The following NLGN1 variants were observed in gnomAD, a reference collection of about 807,000 sequenced individuals.
NLGN1 encodes the protein neuroligin-1.
In NLGN1, 12 loss-of-function variants were observed where a neutral mutation model predicts 65.5. The observed-to-expected ratio is 0.18, with a 90% CI of 0.12 to 0.30. NLGN1 has a LOEUF of 0.30. NLGN1 is among the 10% of genes least tolerant of loss of function. The pLI is 1.00. For missense variants in NLGN1, 750 were observed against 1,007.1 expected, an observed-to-expected ratio of 0.74 and a Z score of 3.46; for synonymous variants, 350 against 359.5, an observed-to-expected ratio of 0.97 and a Z score of 0.30.
At chr3:174,062,692 T>C (rs1440342098) in intron 4 of NLGN1, among the ~76,000 whole-genome samples, 1 of 152,016 alleles carries the variant, frequency 6.6e-6, no homozygotes, top group Non-Finnish European at 1.5e-5. Context: ...TTCTATCTAA[T>C]TTTTTTCTCT....
rs139897505 is a variant in NLGN1 at position 173,933,595 on chromosome 3, A to T, written c.646+125763A>T. Among the ~76,000 whole-genome samples, 820 of 152,268 alleles carry T rather than the reference A, an allele frequency of 5.4e-3. 10 individuals are homozygous for T. The highest frequency in any genetic ancestry group is 0.024 in the South Asian group (114 of 4,830). ...ATCCCTGGTACTTGGGAAGACCCCA[A>T]GGATTTTGAGAGGAGTCAGATTTGA... On this transcript the variant is annotated intron_variant, in intron 4 of 6. Coordinates refer to ENST00000457714, the Ensembl canonical transcript of NLGN1.
intron 3 of NLGN1, chr3:173,644,575 C>A (rs16828950): frequency 6.1e-6 from 1 of 164,060 alleles, no homozygotes; most frequent in South Asian, 1.8e-4. Flanking sequence ...GCCTATCACC[C>A]TGGAGTATGC....
At chr3:173,676,293 A>G (rs1323593874) in intron 3 of NLGN1, among the ~76,000 whole-genome samples, 4 of 152,124 alleles carry the variant, frequency 2.6e-5, no homozygotes, top group Non-Finnish European at 5.9e-5. Context: ...AGGCAGATCA[A>G]CGGGACTGGA....
intron 2 of NLGN1, among the ~76,000 whole-genome samples, chr3:173,520,179 T>C (rs1050553784): frequency 2.6e-5 from 4 of 152,232 alleles, no homozygotes; most frequent in African/African-American, 7.2e-5. Flanking sequence ...CAGGAGCTGC[T>C]ATGCTTCCTA....
intron 3 of NLGN1, among the ~76,000 whole-genome samples, chr3:173,755,594 G>A (rs1272930855): frequency 6.6e-6 from 1 of 152,012 alleles, no homozygotes; most frequent in Non-Finnish European, 1.5e-5. Context: ...GACAGAAGCA[G>A]GCACATAAAG....
chr3:173,952,922 C>T lies in NLGN1; in HGVS notation c.646+145090C>T, dbSNP rs1748505392. ...CCTTCCAAGTAGCTGGGATTACAGG[C>T]ACACAACACCCACACCAGGCTAATT... On this transcript the variant is annotated intron_variant, in intron 4 of 6. Transcript: ENST00000457714. Among the ~76,000 whole-genome samples, 5 of 151,984 alleles carry T rather than the reference C, an allele frequency of 3.3e-5. No individual in the cohort carries two copies. The South Asian group carries it at 1.0e-3, about 32-fold the overall frequency.
At chr3:173,518,544 G>A (rs1734242075) in intron 2 of NLGN1, among the ~76,000 whole-genome samples, 2 of 151,294 alleles carry the variant, frequency 1.3e-5, no homozygotes, top group Non-Finnish European at 1.5e-5. Context: ...GTGTGTGTGT[G>A]TGCATGCATG....
intron 4 of NLGN1, among the ~76,000 whole-genome samples, chr3:174,005,993 A>G (rs1724293687): frequency 1.3e-5 from 2 of 152,102 alleles, no homozygotes; most frequent in Admixed American, 6.6e-5. Context: ...CTCTACTACT[A>G]TACGGTCAAA....
chr3:173,686,976 T>C (rs1019163889), intron 3 of NLGN1, among the ~76,000 whole-genome samples: 2 of 151,972 alleles, frequency 1.3e-5, no homozygotes, highest in Non-Finnish European at 2.9e-5. Context: ...AAAAAGATAC[T>C]TGTGAACCTC....
intron 3 of NLGN1, among the ~76,000 whole-genome samples, chr3:173,624,268 A>G (rs1424025633): frequency 2.6e-5 from 4 of 152,172 alleles, no homozygotes; most frequent in African/African-American, 9.6e-5. Flanking sequence ...GGGAATTGTA[A>G]TAGATTACAG....
rs140623372 is a variant in NLGN1 at position 173,548,583 on chromosome 3, A to G, written c.-320-55696A>G. Among the ~76,000 whole-genome samples the G allele has an allele frequency of 4.2e-3, 642 of 152,014 alleles. 4 individuals are homozygous for G. Among genetic ancestry groups the G allele is most frequent in the African/African-American group, 0.015 (604 of 41,494 alleles). The stretch of plus-strand genomic sequence containing the variant: ...ATTGGCATCAATGAGTTTTAAGACA[A>G]CTTTCTGAAGGAAAATACAGTATGT... On this transcript the variant is annotated intron_variant, in intron 2 of 6. Transcript: ENST00000457714.
chr3:173,780,265 T>C (rs1011863440), intron 3 of NLGN1, among the ~76,000 whole-genome samples: 14 of 152,232 alleles, frequency 9.2e-5, no homozygotes, highest in Admixed American at 7.2e-4. Context: ...TGATGATGCA[T>C]ATGTTTCTCT....
intron 4 of NLGN1, among the ~76,000 whole-genome samples, chr3:173,814,880 A>G (rs1052986974): frequency 6.6e-6 from 1 of 152,318 alleles, no homozygotes; most frequent in Non-Finnish European, 1.5e-5. Flanking sequence ...AATTACCTAT[A>G]TAAATTCTAG....
intron 3 of NLGN1, among the ~76,000 whole-genome samples, chr3:173,634,611 T>C (rs1756283076): frequency 6.6e-6 from 1 of 152,176 alleles, no homozygotes; most frequent in Non-Finnish European, 1.5e-5. Flanking sequence ...GAAAGTGTCA[T>C]GATTCATTTA....
chr3:174,076,477 A>C (rs1057456693), intron 4 of NLGN1, among the ~76,000 whole-genome samples: 1 of 152,154 alleles, frequency 6.6e-6, no homozygotes, highest in Non-Finnish European at 1.5e-5. Context: ...CTGGGGACTC[A>C]GGATGCGTCT....
chr3:173,631,818 A>C (rs1424396853), intron 3 of NLGN1, among the ~76,000 whole-genome samples: 16 of 152,158 alleles, frequency 1.1e-4, no homozygotes, highest in Middle Eastern at 3.2e-3. Context: ...TATTTTACTG[A>C]ATGAAATTTA....
chr3:173,551,572 C>G (rs899919552), intron 2 of NLGN1, among the ~76,000 whole-genome samples: 5 of 152,106 alleles, frequency 3.3e-5, no homozygotes, highest in African/African-American at 1.2e-4. Flanking sequence ...ATCATTTTTT[C>G]TTTTACATGT....
chr3:174,201,501 T>C (rs1179787641), intron 4 of NLGN1, among the ~76,000 whole-genome samples: 1 of 62,732 alleles, frequency 1.6e-5, no homozygotes, highest in Non-Finnish European at 3.5e-5. Context: ...GTCTCCCACC[T>C]TCCAGCTCTG....
intron 3 of NLGN1, among the ~76,000 whole-genome samples, chr3:173,747,059 T>TACACAC (rs3033827): frequency 3.1e-5 from 4 of 130,404 alleles, no homozygotes; most frequent in African/African-American, 1.1e-4. Flanking sequence ...AAATTATATA[T>TACACAC]ACACACACAC....
Sources: gnomAD v4.1 joint callset for allele counts (sites outside exome capture counted in the v4.1 genomes callset) on GRCh38, gnomAD v4.1.1 for gene constraint, MANE v1.5 for transcripts, NCBI Gene and HGNC (gene_info 2026-07-23, HGNC 2026-07-21) for gene names.